The following COBL variants were observed in gnomAD, a reference collection of about 807,000 sequenced individuals.
The protein encoded by COBL is cordon-bleu WH2 repeat protein, also known as protein cordon-bleu.
In COBL, 51 loss-of-function variants were observed where a neutral mutation model predicts 98.8. That is an observed-to-expected ratio of 0.52 (90% CI 0.41 to 0.65). The LOEUF (loss-of-function observed/expected upper bound fraction) is 0.65, where lower values mean the gene tolerates loss of function less well. Among genes scored for constraint, COBL ranks in the 30% least tolerant of loss-of-function variants. COBL has a pLI of 0.00. For synonymous variants in COBL, 634 were observed against 651.7 expected, an observed-to-expected ratio of 0.97 and a Z score of 0.41; for missense variants, 1,617 against 1,617.5, an observed-to-expected ratio of 1.00 and a Z score of 0.01.
At chr7:51,175,343 C>A (rs1788266682) in intron 5 of COBL, among the ~76,000 whole-genome samples, 1 of 152,222 alleles carries the variant, frequency 6.6e-6, no homozygotes, top group South Asian at 2.1e-4. Flanking sequence ...AACGTGAGTT[C>A]TCTCACCCCC....
intron 1 of COBL, among the ~76,000 whole-genome samples, chr7:51,284,949 CTTTT>C (rs750844781): frequency 7.0e-6 from 1 of 142,822 alleles, no homozygotes. Context: ...TTCCATCCAA[CTTTT>C]TTTTTTTTTT....
intron 8 of COBL, among the ~76,000 whole-genome samples, chr7:51,038,170 C>A (rs1214635130): frequency 6.6e-6 from 1 of 152,194 alleles, no homozygotes; most frequent in Non-Finnish European, 1.5e-5. Context: ...TATTACCAAG[C>A]ATTCACACTT....
At chr7:51,057,960 T>A (rs556189106) in intron 7 of COBL, among the ~76,000 whole-genome samples, 18 of 152,250 alleles carry the variant, frequency 1.2e-4, no homozygotes, top group African/African-American at 4.1e-4. Context: ...TCTACCAGAG[T>A]TTTTAAATTA....
At position 51,302,597 on chromosome 7, in the gene COBL, A is replaced by C. The variant is rs920243594; in HGVS notation, c.41+13996T>G. On this transcript the variant is annotated intron_variant, in intron 1 of 12. Transcript: ENST00000265136. ...ACTCCGTCTCAAAAAAAAAAAAAAA[A>C]AAAGATTCACAATTCTGGGCTGGGT... Among the ~76,000 whole-genome samples, 98 of 151,934 alleles carry C rather than the reference A, an allele frequency of 6.5e-4. 1 individual carries two copies. The highest frequency in any genetic ancestry group is 2.4e-3 in the African/African-American group (98 of 41,424).
chr7:51,229,274 C>A (rs532027546), intron 1 of COBL, among the ~76,000 whole-genome samples: 4 of 152,334 alleles, frequency 2.6e-5, no homozygotes, highest in African/African-American at 7.2e-5. Context: ...CCCGAGCAAG[C>A]CCGCGGTGCC....
At chr7:51,107,084 GTTTGTTTGTTTTTTTT>G (rs1190122688) in intron 6 of COBL, among the ~76,000 whole-genome samples, 1 of 109,312 alleles carries the variant, frequency 9.1e-6, no homozygotes, top group Non-Finnish European at 1.9e-5. Flanking sequence ...TGTGATCCTA[GTTTGTTTGTTTTTTTT>G]TTTTTTTTTT....
At chr7:51,236,914 C>T (rs1408403958) in intron 1 of COBL, among the ~76,000 whole-genome samples, 3 of 152,218 alleles carry the variant, frequency 2.0e-5, no homozygotes, top group East Asian at 3.9e-4. Context: ...AGGGGGTCAA[C>T]GGTCTCGCCT....
chr7:51,136,108 C>G (rs569269423), intron 6 of COBL, 50 bp downstream of exon 6: 36 of 1,572,810 alleles, frequency 2.3e-5, no homozygotes, highest in Non-Finnish European at 3.1e-5. Flanking sequence ...GAACAATCAA[C>G]TGTGTCACTG....
intron 5 of COBL, 29 bp downstream of exon 5, chr7:51,184,073 C>A: frequency 8.6e-7 from 1 of 1,157,532 alleles, no homozygotes; most frequent in Non-Finnish European, 1.2e-6. Context: ...TTACATGATA[C>A]AAAATCATAT....
intron 7 of COBL, among the ~76,000 whole-genome samples, chr7:51,064,199 A>G (rs953671357): frequency 1.3e-5 from 2 of 152,190 alleles, no homozygotes; most frequent in Admixed American, 1.3e-4. Flanking sequence ...TGATTGGTTC[A>G]GGAACTCGCA....
At chr7:51,299,978 A>G (rs1198718532) in intron 1 of COBL, among the ~76,000 whole-genome samples, 2 of 152,164 alleles carry the variant, frequency 1.3e-5, no homozygotes, top group Non-Finnish European at 2.9e-5. Context: ...AGACCAGTCC[A>G]CGGACCACAC....
intron 1 of COBL, among the ~76,000 whole-genome samples, chr7:51,260,801 G>A (rs1033324628): frequency 6.6e-6 from 1 of 152,130 alleles, no homozygotes; most frequent in African/African-American, 2.4e-5. Context: ...GGGACCAGGC[G>A]GCAGAGCCTG....
chr7:51,109,777 G>C (rs1002671503), intron 6 of COBL, among the ~76,000 whole-genome samples: 18 of 152,152 alleles, frequency 1.2e-4, no homozygotes, highest in African/African-American at 4.1e-4. Context: ...TGTATGTCTC[G>C]TGAGGGGAAG....
Position 51,110,820 on chromosome 7 carries a change from C to A in COBL, c.957+25338G>T, listed in dbSNP as rs144586380. 4.5e-3 allele frequency among the ~76,000 whole-genome samples: 682 copies of A among 152,336 alleles called. 7 individuals are homozygous for A. The highest frequency in any genetic ancestry group is 0.016 in the African/African-American group (649 of 41,586). Reference sequence around the variant, plus strand: ...TTCCATTCCTGAGTTACTTCACTTACAATCATAGTCTCCAATCTCATCCAG... The same window carrying A: ...TTCCATTCCTGAGTTACTTCACTTAAAATCATAGTCTCCAATCTCATCCAG... On this transcript the variant is annotated intron_variant, in intron 6 of 12. Transcript: ENST00000265136.
rs559269690 is a variant in COBL, at chr7:51,311,091, T to C, written c.41+5502A>G. 5.6e-4 allele frequency among the ~76,000 whole-genome samples: 85 copies of C among 152,334 alleles called. 1 individual carries two copies. The South Asian group carries it at 0.017, about 31-fold the overall frequency. On this transcript the variant is annotated intron_variant, in intron 1 of 12. Coordinates refer to ENST00000265136, the MANE Select transcript of COBL (RefSeq NM_015198.5). ...ACAAAAGTATTTGTACAAAAGTATT[T>C]GTGGTCTGGGAATCTGTCTAACCAA...
At chr7:51,151,929 G>A (rs1054017416) in intron 5 of COBL, among the ~76,000 whole-genome samples, 2 of 152,172 alleles carry the variant, frequency 1.3e-5, no homozygotes, top group African/African-American at 4.8e-5. Flanking sequence ...AGCCGCCTGT[G>A]GCCATTCCTT....
chr7:51,240,123 G>A, intron 1 of COBL, among the ~76,000 whole-genome samples: 1 of 152,162 alleles, frequency 6.6e-6, no homozygotes, highest in Non-Finnish European at 1.5e-5. Context: ...TTAGATTGCA[G>A]GCTGTACCAA....
intron 4 of COBL, among the ~76,000 whole-genome samples, chr7:51,189,004 A>G (rs1368207203): frequency 6.6e-6 from 1 of 152,214 alleles, no homozygotes; most frequent in Admixed American, 6.5e-5. Context: ...AACAAATGGA[A>G]GCTGTTTCCA....
At chr7:51,296,482 G>T in intron 1 of COBL, among the ~76,000 whole-genome samples, 1 of 151,294 alleles carries the variant, frequency 6.6e-6, no homozygotes, top group South Asian at 2.1e-4. Context: ...TTTGTTTTTG[G>T]TTTTGCTTTT....
Sources: gnomAD v4.1 joint callset for allele counts (sites outside exome capture counted in the v4.1 genomes callset) on GRCh38, gnomAD v4.1.1 for gene constraint, MANE v1.5 for transcripts, NCBI Gene and HGNC (gene_info 2026-07-23, HGNC 2026-07-21) for gene names.